LRRFIP2: variants seen among roughly 807,000 people sequenced by gnomAD.
The protein encoded by LRRFIP2 is leucine-rich repeat flightless-interacting protein 2.
In LRRFIP2, 109 loss-of-function variants were observed where a neutral mutation model predicts 125.9. The ratio of observed to expected loss-of-function variants is 0.87; its 90% CI spans 0.74 to 1.01. The LOEUF is 1.01. Ranked by LOEUF, LRRFIP2 falls within the 50% of genes least tolerant of loss-of-function variation. The pLI is 0.00. For synonymous variants in LRRFIP2, 291 were observed against 293.1 expected (o/e 0.99, Z 0.07); for missense variants, 850 against 862.3 (o/e 0.99, Z 0.18).
At chr3:37,124,169 C>T (rs1290313232) in intron 4 of LRRFIP2, among the ~76,000 whole-genome samples, 1 of 152,156 alleles carries the variant, frequency 6.6e-6, no homozygotes, top group Non-Finnish European at 1.5e-5. Context: ...ACTAGCCACA[C>T]GTGGCTACTG....
chr3:37,082,146 A>G (rs2092697047), intron 19 of LRRFIP2, among the ~76,000 whole-genome samples: 2 of 152,184 alleles, frequency 1.3e-5, no homozygotes, highest in Non-Finnish European at 2.9e-5. Context: ...CCAAAGACAG[A>G]TAAGAAAAAA....
chr3:37,163,674 T>C (rs543889910), intron 1 of LRRFIP2, among the ~76,000 whole-genome samples: 70 of 152,350 alleles, frequency 4.6e-4, no homozygotes, highest in South Asian at 3.9e-3. Flanking sequence ...TTCATTAAAG[T>C]AGTTCAGCCT....
chr3:37,103,629 C>A (rs539202775), intron 14 of LRRFIP2, among the ~76,000 whole-genome samples: 5 of 152,304 alleles, frequency 3.3e-5, no homozygotes, highest in African/African-American at 1.2e-4. Flanking sequence ...CTTCAAGCAA[C>A]TGGCTCCTCA....
chr3:37,076,145 A>G (rs1003679895), intron 19 of LRRFIP2, among the ~76,000 whole-genome samples: 1 of 152,182 alleles, frequency 6.6e-6, no homozygotes, highest in African/African-American at 2.4e-5. Flanking sequence ...AAAGTAACCA[A>G]GGAGTGGGGC....
At chr3:37,146,621 C>T (rs2095862130) in intron 2 of LRRFIP2, among the ~76,000 whole-genome samples, 1 of 152,166 alleles carries the variant, frequency 6.6e-6, no homozygotes, top group Non-Finnish European at 1.5e-5. Flanking sequence ...CAGCTCCATC[C>T]ATGTCCCTGC....
Position 37,148,912 on chromosome 3 carries a change from C to A in LRRFIP2, c.72G>T (p.Leu24Phe). ...KDRFSAEDEA[L>F]SNIAREAEAR... is the part of the protein sequence containing the mutation. ...AACATACCTCTCTGGCAATGTTACT[C>A]AAAGCTTCATCTTCTGCAGAAAATC... Residue 24 changes from leucine (L) to phenylalanine (F), a missense_variant, in exon 2 of 28, where the codon TTG (leucine) becomes TTT (phenylalanine). Transcript: ENST00000336686. 6.2e-7 allele frequency: 1 copy of A among 1,614,076 alleles called. No individual in the cohort carries two copies.
intron 19 of LRRFIP2, among the ~76,000 whole-genome samples, 182 bp from the exon 20 acceptor site, chr3:37,075,298 G>C (rs1324912192): frequency 4.6e-5 from 7 of 151,972 alleles, no homozygotes; most frequent in Non-Finnish European, 8.8e-5. Flanking sequence ...ATTCCATCTT[G>C]TATAATTATC....
intron 6 of LRRFIP2, among the ~76,000 whole-genome samples, chr3:37,120,811 TG>T (rs1249090901): frequency 2.6e-5 from 4 of 151,734 alleles, no homozygotes; most frequent in African/African-American, 9.7e-5. Context: ...TAAAATAAAA[TG>T]GAAAAAAAGA....
chr3:37,157,791 A>C (rs1419110547), intron 1 of LRRFIP2, among the ~76,000 whole-genome samples: 1 of 152,250 alleles, frequency 6.6e-6, no homozygotes, highest in African/African-American at 2.4e-5. Context: ...TAAATGTCAG[A>C]AGAACATTAG....
chr3:37,167,336 GA>G (rs1315190272), intron 1 of LRRFIP2, among the ~76,000 whole-genome samples: 1 of 151,912 alleles, frequency 6.6e-6, no homozygotes, highest in Non-Finnish European at 1.5e-5. Context: ...AAAAATAATC[GA>G]TTTTTTTGTG....
chr3:37,077,629 A>C (rs551695892), intron 19 of LRRFIP2, among the ~76,000 whole-genome samples: 2 of 152,288 alleles, frequency 1.3e-5, no homozygotes, highest in East Asian at 3.9e-4. Context: ...ACAGGGATAG[A>C]AGATTAACTT....
chr3:37,161,844 G>A (rs1370764893), intron 1 of LRRFIP2, among the ~76,000 whole-genome samples: 1 of 150,720 alleles, frequency 6.6e-6, no homozygotes. Flanking sequence ...AAATATATAA[G>A]GTTAAAGTAT....
Position 37,054,447 on chromosome 3 carries a change from A to T in LRRFIP2, c.2019T>A (p.Asp673Glu). 6.2e-7 allele frequency: 1 copy of T among 1,613,970 alleles called. No individual in the cohort carries two copies. The highest frequency in any genetic ancestry group is 8.5e-7 in the Non-Finnish European group (1 of 1,179,944). The part of the protein sequence containing the change: ...TAAENAEKVE[D>E]ELKAEKRKLQ... ...GCTTCCGTTTTTCTGCTTTCAATTCATCTTCAACTTTCTCAGCATTCTCAG... is the reference window on the plus strand; with the variant it reads ...GCTTCCGTTTTTCTGCTTTCAATTCTTCTTCAACTTTCTCAGCATTCTCAG... Residue 673 changes from aspartate (D) to glutamate (E), a missense_variant, in exon 27 of 28, where the codon GAT (aspartate) becomes GAA (glutamate). By Grantham distance (45) the Asp-to-Glu change is conservative. Coordinates refer to ENST00000336686, the MANE Select transcript of LRRFIP2 (RefSeq NM_006309.4).
At chr3:37,077,201 GC>G (rs2092173062) in intron 19 of LRRFIP2, among the ~76,000 whole-genome samples, 1 of 152,012 alleles carries the variant, frequency 6.6e-6, no homozygotes, top group South Asian at 2.1e-4. Context: ...AGATACATTG[GC>G]AAAAATACAA....
rs911426855 is a variant in LRRFIP2 at position 37,173,329 on chromosome 3, A to G, written c.-56+1210T>C. Among the ~76,000 whole-genome samples the G allele has an allele frequency of 2.0e-5, 3 of 152,088 alleles. 1 individual carries two copies. Among genetic ancestry groups the G allele is most frequent in the Non-Finnish European group, 4.4e-5 (3 of 68,018 alleles). ...GTGGTCTTCCCATCTCAGCCTCACA[A>G]GCAGCTGGGACTGCAGGGACACACC... On this transcript the variant is annotated intron_variant, in intron 1 of 27. Coordinates refer to ENST00000336686, the MANE Select transcript of LRRFIP2 (RefSeq NM_006309.4).
intron 1 of LRRFIP2, among the ~76,000 whole-genome samples, chr3:37,160,821 G>C (rs570780482): frequency 1.3e-5 from 2 of 151,300 alleles, no homozygotes; most frequent in East Asian, 3.9e-4. Context: ...ACAAGATCTT[G>C]GAAATTAAAA....
intron 1 of LRRFIP2, among the ~76,000 whole-genome samples, chr3:37,171,658 G>C (rs2096588676): frequency 6.6e-6 from 1 of 152,138 alleles, no homozygotes; most frequent in South Asian, 2.1e-4. Context: ...AGGATTTTTG[G>C]ATCTCAAACT....
Position 37,072,899 on chromosome 3 carries a change from G to A in LRRFIP2, c.1372-17C>T, listed in dbSNP as rs1305180500. ...CTGCTTCTCCTGCAGAGGAAGAGGG[G>A]AAGAGAAGTAATAAAAGAGCAGAAA... On this transcript the variant is annotated splice_polypyrimidine_tract_variant and intron_variant, in intron 20 of 27. Transcript: ENST00000336686. 1 of 1,532,362 alleles carries A rather than the reference G, an allele frequency of 6.5e-7. No individual in the cohort carries two copies. Among genetic ancestry groups the A allele is most frequent in the Non-Finnish European group, 9.0e-7 (1 of 1,113,386 alleles). 94.9% of individuals were successfully genotyped at this position (1,532,362 alleles called of 1,614,324 possible). A position where few individuals can be genotyped will look rare whatever the true frequency, so the allele number is the denominator to read the frequency against.
intron 4 of LRRFIP2, among the ~76,000 whole-genome samples, chr3:37,126,013 T>TTTGTTGTTG (rs35451308): frequency 1.3e-5 from 2 of 151,260 alleles, no homozygotes; most frequent in Non-Finnish European, 3.0e-5. Context: ...AATCAGTTTT[T>TTTGTTGTTG]TTGTTGTTGT....
Sources: gnomAD v4.1 joint callset for allele counts (sites outside exome capture counted in the v4.1 genomes callset) on GRCh38, gnomAD v4.1.1 for gene constraint, MANE v1.5 for transcripts, NCBI Gene and HGNC (gene_info 2026-07-23, HGNC 2026-07-21) for gene names.